The following LONP2 variants were observed in gnomAD, a reference collection of about 807,000 sequenced individuals.
The protein encoded by LONP2 is lon peptidase 2, peroxisomal.
In LONP2, 60 loss-of-function variants were observed where a neutral mutation model predicts 85.6. The ratio of observed to expected loss-of-function variants is 0.70; its 90% CI spans 0.57 to 0.87. The LOEUF is 0.87. LONP2 is among the 40% of genes least tolerant of loss of function. LONP2 has a pLI of 0.00. For missense variants in LONP2, 860 were observed against 1,063.5 expected (o/e 0.81, Z 2.66); for synonymous variants, 395 against 389.7 (o/e 1.01, Z -0.16).
At chr16:48,251,238 C>T (rs1022235994) in intron 1 of LONP2, among the ~76,000 whole-genome samples, 1 of 152,096 alleles carries the variant, frequency 6.6e-6, no homozygotes, top group African/African-American at 2.4e-5. Context: ...AGTTCTAGTC[C>T]TTCTATTTTC....
At chr16:48,308,487 C>T (rs749700771) in intron 11 of LONP2, among the ~76,000 whole-genome samples, 3 of 151,784 alleles carry the variant, frequency 2.0e-5, no homozygotes, top group Admixed American at 6.6e-5. Context: ...ATTAGCTGGG[C>T]GTGCTGGTGC....
downstream of LONP2, chr16:48,361,016 A>G (rs1960562601): frequency 6.6e-6 from 1 of 152,422 alleles, no homozygotes. Flanking sequence ...AAAAGATACT[A>G]ACTTTAAAAT....
chr16:48,272,363 G>T (rs1458992455), intron 7 of LONP2, among the ~76,000 whole-genome samples: 1 of 152,070 alleles, frequency 6.6e-6, no homozygotes, highest in African/African-American at 2.4e-5. Flanking sequence ...CCTACTAATG[G>T]ACAGTGTATA....
At chr16:48,257,426 C>T (rs1187140442) in intron 3 of LONP2, among the ~76,000 whole-genome samples, 1 of 152,074 alleles carries the variant, frequency 6.6e-6, no homozygotes, top group Non-Finnish European at 1.5e-5. Context: ...TTCTTAGAAT[C>T]TTCATCATGT....
At position 48,352,937 on chromosome 16, in the gene LONP2, T is replaced by C. The variant is rs1960196297; in HGVS notation, c.*1135T>C. 1 of 152,256 alleles carries C rather than the reference T, an allele frequency of 6.6e-6. No homozygotes were observed. 9.4% of individuals were successfully genotyped at this position (152,256 alleles called of 1,614,324 possible). A position where few individuals can be genotyped will look rare whatever the true frequency, so the allele number is the denominator to read the frequency against. ...CAAATCTGGTAGATGTCCATGCCCATGTGCTCCTGCTGGGACTCAATTCAG... is the reference window on the plus strand; with the variant it reads ...CAAATCTGGTAGATGTCCATGCCCACGTGCTCCTGCTGGGACTCAATTCAG... On this transcript the variant is annotated 3_prime_UTR_variant, in exon 15 of 15. Transcript: ENST00000285737.
At chr16:48,312,540 C>G (rs1446825246) in intron 11 of LONP2, among the ~76,000 whole-genome samples, 1 of 152,060 alleles carries the variant, frequency 6.6e-6, no homozygotes, top group Non-Finnish European at 1.5e-5. Flanking sequence ...CATTCAGTGA[C>G]ATAGACACTG....
intron 10 of LONP2, among the ~76,000 whole-genome samples, chr16:48,301,797 C>T (rs189329762): frequency 6.6e-6 from 1 of 152,314 alleles, no homozygotes; most frequent in East Asian, 1.9e-4. Context: ...TGTAATTCCT[C>T]CTTGTACAGC....
At position 48,299,676 on chromosome 16, in the gene LONP2, G is replaced by A. The variant is rs1466209368; in HGVS notation, c.1549G>A (p.Glu517Lys). The change falls in exon 10 of 15, where the codon GAG (glutamate) becomes AAG (lysine). Residue 517 changes from glutamate (E) to lysine (K), a missense_variant. Glu to Lys is a moderately conservative substitution (Grantham distance 56). Transcript: ENST00000285737. ...IIQVPGYTQE[E>K]KIEIAHRHLI... ...TTCTTTTCCAGGTTATACACAGGAG[G>A]AGAAGATAGAGATTGCCCATAGGCA... 6.2e-7 allele frequency: 1 copy of A among 1,613,366 alleles called. No homozygotes were observed. The highest frequency in any genetic ancestry group is 8.5e-7 in the Non-Finnish European group (1 of 1,179,738).
chr16:48,254,513 G>A (rs546903561), intron 2 of LONP2, among the ~76,000 whole-genome samples: 40 of 152,030 alleles, frequency 2.6e-4, no homozygotes, highest in African/African-American at 5.8e-4. Flanking sequence ...ACAGGCATGC[G>A]CCACCACGCC....
At chr16:48,293,376 C>T (rs1225248584) in intron 8 of LONP2, among the ~76,000 whole-genome samples, 26 of 151,732 alleles carry the variant, frequency 1.7e-4, no homozygotes, top group Non-Finnish European at 2.9e-5. Context: ...TGCAGTGAGC[C>T]GAGATCGCGC....
rs1187956177 is a variant in LONP2 at position 48,356,750 on chromosome 16, G to A, written c.*4948G>A. On this transcript the variant is annotated 3_prime_UTR_variant, in exon 15 of 15. Coordinates refer to ENST00000285737, the MANE Select transcript of LONP2 (RefSeq NM_031490.5). The stretch of plus-strand genomic sequence containing the variant: ...AGATGTTTTAAAAGTTACAGCAAAA[G>A]GACTTCTAAAACAATTTTAGGAAAA... 2 of 324,784 alleles carry A rather than the reference G, an allele frequency of 6.2e-6. No individual in the cohort carries two copies. The highest frequency in any genetic ancestry group is 1.2e-5 in the Non-Finnish European group (2 of 161,638). The allele number at this position is 324,784 out of a possible 1,614,324, so 20.1% of individuals were successfully genotyped here. A position where few individuals can be genotyped will look rare whatever the true frequency, so the allele number is the denominator to read the frequency against.
At chr16:48,312,963 T>C (rs1973065947) in intron 11 of LONP2, among the ~76,000 whole-genome samples, 1 of 152,186 alleles carries the variant, frequency 6.6e-6, no homozygotes, top group African/African-American at 2.4e-5. Context: ...GCCAAGCTCA[T>C]GTTTGAGCCC....
At chr16:48,315,963 A>ATTTTTT (rs201723319) in intron 11 of LONP2, among the ~76,000 whole-genome samples, 154 of 107,460 alleles carry the variant, frequency 1.4e-3, no homozygotes, top group East Asian at 4.4e-3. Flanking sequence ...CCATATTGTA[A>ATTTTTT]TTTTTTTTTT....
rs1056993837 is a variant in LONP2 at position 48,308,013 on chromosome 16, G to C, written c.1795+4708G>C. Among the ~76,000 whole-genome samples the C allele has an allele frequency of 2.6e-5, 4 of 152,278 alleles. No homozygotes were observed. The East Asian group carries it at 7.7e-4, about 29-fold the overall frequency. Reference sequence around the variant, plus strand: ...CTGTCATGTGAACTCATTACCATGGGGAAGGCACCAAGCCATTTATCAGGG... The same window carrying C: ...CTGTCATGTGAACTCATTACCATGGCGAAGGCACCAAGCCATTTATCAGGG... On this transcript the variant is annotated intron_variant, in intron 11 of 14. Transcript: ENST00000285737.
At chr16:48,254,217 CCTAT>C (rs1287939674) in intron 2 of LONP2, among the ~76,000 whole-genome samples, 3 of 152,196 alleles carry the variant, frequency 2.0e-5, no homozygotes, top group Non-Finnish European at 4.4e-5. Context: ...TTGTCTTGGG[CCTAT>C]CTGTCTTGCG....
intron 12 of LONP2, among the ~76,000 whole-genome samples, chr16:48,337,433 A>G (rs983221162): frequency 6.6e-6 from 1 of 152,218 alleles, no homozygotes; most frequent in African/African-American, 2.4e-5. Context: ...GGCCCTCCAC[A>G]GTGATCATTT....
downstream of LONP2, chr16:48,357,453 C>T (rs1217043336): frequency 1.3e-5 from 2 of 152,230 alleles, no homozygotes; most frequent in Non-Finnish European, 2.9e-5. Context: ...CTTCAAACTC[C>T]GGGTCTCTGT....
At chr16:48,305,364 C>T (rs1487174949) in intron 11 of LONP2, among the ~76,000 whole-genome samples, 1 of 152,188 alleles carries the variant, frequency 6.6e-6, no homozygotes, top group Non-Finnish European at 1.5e-5. Flanking sequence ...AAGTGATTCT[C>T]CTGCCTCAGC....
At chr16:48,256,457 C>T (rs185447000) in intron 2 of LONP2, among the ~76,000 whole-genome samples, 153 bp from the exon 3 acceptor site, 97 of 152,302 alleles carry the variant, frequency 6.4e-4, no homozygotes, top group African/African-American at 2.3e-3. Context: ...TTCTTTTCCT[C>T]TGAGGCCTGT....
Sources: gnomAD v4.1 joint callset for allele counts (sites outside exome capture counted in the v4.1 genomes callset) on GRCh38, gnomAD v4.1.1 for gene constraint, MANE v1.5 for transcripts, NCBI Gene and HGNC (gene_info 2026-07-23, HGNC 2026-07-21) for gene names.